ICA1: variants seen among roughly 807,000 people sequenced by gnomAD.
ICA1 encodes islet cell autoantigen 1, also known as 69 kDa islet cell autoantigen.
ICA1 carries 40 observed loss-of-function variants against 71.0 expected under a neutral mutation model. That is an observed-to-expected ratio of 0.56 (90% confidence interval 0.44 to 0.73). The LOEUF (loss-of-function observed/expected upper bound fraction) is 0.73. ICA1 is among the 30% of genes least tolerant of loss of function. The probability of loss-of-function intolerance (pLI) is 0.00; values close to 1 mark genes in which losing one functional copy is unlikely to be tolerated. For synonymous variants in ICA1, 207 were observed against 209.5 expected, an observed-to-expected ratio of 0.99 and a Z score of 0.10; for missense variants, 578 against 576.5, an observed-to-expected ratio of 1.00 and a Z score of -0.03.
intron 1 of ICA1, among the ~76,000 whole-genome samples, chr7:8,236,358 A>G (rs986862006): frequency 6.6e-6 from 1 of 152,196 alleles, no homozygotes; most frequent in Non-Finnish European, 1.5e-5. Flanking sequence ...ATTGCTTAGG[A>G]ATGATGAACA....
intron 6 of ICA1, among the ~76,000 whole-genome samples, 187 bp from the exon 7 acceptor site, chr7:8,158,839 C>T (rs1196471363): frequency 6.6e-6 from 1 of 152,154 alleles, no homozygotes; most frequent in East Asian, 1.9e-4. Context: ...GAGAGTACTG[C>T]ATATTATGAT....
chr7:8,159,604 G>A (rs1040273200), intron 6 of ICA1, among the ~76,000 whole-genome samples: 1 of 152,134 alleles, frequency 6.6e-6, no homozygotes, highest in African/African-American at 2.4e-5. Context: ...GGAGGCTAAG[G>A]TGGGAGGATC....
intron 1 of ICA1, among the ~76,000 whole-genome samples, chr7:8,258,320 C>T (rs1380237652): frequency 6.6e-6 from 1 of 152,118 alleles, no homozygotes; most frequent in African/African-American, 2.4e-5. Context: ...CTAAGTCATC[C>T]CACTTCTCTG....
At chr7:8,244,402 T>C (rs1284806445) in intron 1 of ICA1, among the ~76,000 whole-genome samples, 3 of 152,192 alleles carry the variant, frequency 2.0e-5, no homozygotes, top group African/African-American at 7.2e-5. Context: ...TATACAAAAA[T>C]TAATTCAAGA....
At chr7:8,216,140 T>G (rs1343855286) in intron 6 of ICA1, among the ~76,000 whole-genome samples, 2 of 152,212 alleles carry the variant, frequency 1.3e-5, no homozygotes, top group African/African-American at 4.8e-5. Flanking sequence ...ATGGCGGGAA[T>G]GCCCTACAGG....
chr7:8,113,988 C>T lies in ICA1; in HGVS notation c.1387G>A (p.Asp463Asn), dbSNP rs138213995. The T allele has an allele frequency of 5.4e-5, 87 of 1,614,068 alleles. No homozygotes were observed. Among genetic ancestry groups the T allele is most frequent in the Non-Finnish European group, 6.7e-5 (79 of 1,179,984 alleles). The change falls in exon 14 of 14, where the codon GAC becomes AAC. Residue 463 changes from aspartate (D) to asparagine (N), a missense_variant. Physicochemically the swap from Asp to Asn is conservative, Grantham distance 23. Transcript: ENST00000402384. This position sits in a 1 kb window ranked among gnomAD's most constrained non-coding sequence, Gnocchi z 4.2. ...TAWFSLFADL[D>N]PLSNPDAVGK... is the part of the protein sequence containing the mutation. Reference sequence around the variant, plus strand: ...ACAGCATCAGGATTTGAGAGTGGGTCGAGGTCAGCGAAGAGGCTGAACCAG... The same window carrying T: ...ACAGCATCAGGATTTGAGAGTGGGTTGAGGTCAGCGAAGAGGCTGAACCAG...
At chr7:8,219,937 A>AT (rs1473328745) in intron 5 of ICA1, among the ~76,000 whole-genome samples, 5 of 152,122 alleles carry the variant, frequency 3.3e-5, no homozygotes, top group Non-Finnish European at 5.9e-5. Flanking sequence ...TCTATGAAAT[A>AT]TTTTTTTAGG....
intron 1 of ICA1, among the ~76,000 whole-genome samples, chr7:8,249,504 G>C (rs1807394433): frequency 6.6e-6 from 1 of 152,222 alleles, no homozygotes; most frequent in African/African-American, 2.4e-5. Context: ...ATTCAATGCT[G>C]TTTATTTCAC....
chr7:8,159,790 C>T (rs1245354575), intron 6 of ICA1, among the ~76,000 whole-genome samples: 1 of 152,128 alleles, frequency 6.6e-6, no homozygotes, highest in Non-Finnish European at 1.5e-5. Flanking sequence ...TCTATAGTGT[C>T]AACACAGCAT....
At chr7:8,261,091 T>G (rs922577274) in intron 1 of ICA1, among the ~76,000 whole-genome samples, 2 of 152,226 alleles carry the variant, frequency 1.3e-5, no homozygotes, top group East Asian at 1.9e-4. Flanking sequence ...CTTGATAATT[T>G]TTATACCGTT....
chr7:8,217,687 A>G (rs1795828832), intron 6 of ICA1, among the ~76,000 whole-genome samples: 1 of 152,222 alleles, frequency 6.6e-6, no homozygotes, highest in Non-Finnish European at 1.5e-5. Flanking sequence ...GTATTCTTGT[A>G]TGACAAAATC....
chr7:8,256,434 C>T (rs1810214365), intron 1 of ICA1, among the ~76,000 whole-genome samples: 1 of 152,206 alleles, frequency 6.6e-6, no homozygotes, highest in African/African-American at 2.4e-5. Context: ...AACGCTTGAG[C>T]TTCCCTGAAT....
rs1469820129 is a variant in ICA1, at chr7:8,251,762, CAAGCTACTTTCTAA to C, written c.-80+10318_-80+10331del. On this transcript the variant is annotated intron_variant, in intron 1 of 13. Transcript: ENST00000402384. ...ATAACAGAAACCAAAATAAAATTGC[CAAGCTACTTTCTAA>C]AATGTCATCTTCAGCATTAATATTA... Among the ~76,000 whole-genome samples the C allele has an allele frequency of 3.3e-5, 5 of 151,942 alleles. No individual in the cohort carries two copies. The East Asian group carries it at 9.6e-4, about 29-fold the overall frequency.
intron 13 of ICA1, among the ~76,000 whole-genome samples, chr7:8,124,454 G>GA (rs573367505): frequency 0.082 from 9,340 of 114,204 alleles, 295 homozygotes; most frequent in African/African-American, 0.14. Context: ...TGAATGCAGT[G>GA]AAAAAAAAAA....
At chr7:8,147,429 A>G (rs10156066) in intron 8 of ICA1, among the ~76,000 whole-genome samples, 131,683 of 152,038 alleles carry the variant, frequency 0.87, 57,260 homozygotes, top group East Asian at 1. Context: ...TAATTCCTGT[A>G]GTAATTGCTC....
intron 1 of ICA1, among the ~76,000 whole-genome samples, chr7:8,248,647 TG>T: frequency 6.6e-6 from 1 of 152,188 alleles, no homozygotes; most frequent in East Asian, 1.9e-4. Context: ...GCCAGGAAGG[TG>T]GAAGTTGCAT....
intron 6 of ICA1, among the ~76,000 whole-genome samples, chr7:8,179,761 T>C (rs957590146): frequency 3.3e-5 from 5 of 151,884 alleles, no homozygotes; most frequent in Non-Finnish European, 7.4e-5. Flanking sequence ...GAACTTTTTT[T>C]TTTCCCACAT....
chr7:8,210,033 A>G (rs1981715), intron 6 of ICA1, among the ~76,000 whole-genome samples: 123,807 of 152,154 alleles, frequency 0.81, 50,964 homozygotes, highest in South Asian at 0.89. Context: ...CTAACTTTGG[A>G]CTTGTCAATT....
At chr7:8,140,345 T>G (rs6967088) in intron 10 of ICA1, among the ~76,000 whole-genome samples, 1,771 of 152,288 alleles carry the variant, frequency 0.012, 40 homozygotes, top group African/African-American at 0.04. Context: ...GGAGCATGGT[T>G]TCTCTGACTT....
Sources: gnomAD v4.1 joint callset for allele counts (sites outside exome capture counted in the v4.1 genomes callset) on GRCh38, gnomAD v4.1.1 for gene constraint, Gnocchi (gnomAD v3.1) non-coding constraint, MANE v1.5 for transcripts, NCBI Gene and HGNC (gene_info 2026-07-23, HGNC 2026-07-21) for gene names.